The following NELL1 variants were observed in gnomAD, a reference collection of about 807,000 sequenced individuals.
NELL1 encodes the protein neural EGFL like 1, also known as protein kinase C-binding protein NELL1.
A neutral mutation model predicts 107.4 loss-of-function variants in NELL1; 76 were observed. The observed-to-expected ratio is 0.71, with a 90% CI of 0.59 to 0.86. The LOEUF is 0.86. NELL1 is among the 40% of genes least tolerant of loss of function. The pLI, the probability that NELL1 is intolerant of heterozygous loss-of-function variation, is 0.00. For synonymous variants in NELL1, 353 were observed against 341.2 expected, an observed-to-expected ratio of 1.03 and a Z score of -0.38; for missense variants, 1,024 against 1,005.5, an observed-to-expected ratio of 1.02 and a Z score of -0.25.
chr11:21,165,954 C>T (rs1856472300), intron 13 of NELL1, among the ~76,000 whole-genome samples: 1 of 151,288 alleles, frequency 6.6e-6, no homozygotes, highest in Non-Finnish European at 1.5e-5. Flanking sequence ...GGGGTTTCAC[C>T]ATATTGGTCA....
At chr11:21,225,652 T>G (rs1857875287) in intron 13 of NELL1, among the ~76,000 whole-genome samples, 1 of 152,148 alleles carries the variant, frequency 6.6e-6, no homozygotes, top group Non-Finnish European at 1.5e-5. Context: ...TTTAATCATC[T>G]TGATAACATC....
chr11:20,731,496 G>A (rs1245488268), intron 2 of NELL1, among the ~76,000 whole-genome samples: 1 of 152,222 alleles, frequency 6.6e-6, no homozygotes, highest in East Asian at 1.9e-4. Context: ...AATTGTGTGT[G>A]TGAGTGCATG....
intron 12 of NELL1, among the ~76,000 whole-genome samples, chr11:20,975,395 C>T (rs1215226503): frequency 6.6e-6 from 1 of 151,330 alleles, no homozygotes; most frequent in Non-Finnish European, 1.5e-5. Context: ...ACAGCTTGCC[C>T]CTCACTGAGA....
At chr11:21,406,798 A>T (rs1234223361) in intron 15 of NELL1, among the ~76,000 whole-genome samples, 2 of 152,020 alleles carry the variant, frequency 1.3e-5, no homozygotes, top group Non-Finnish European at 2.9e-5. Context: ...GGTATCCCTC[A>T]CCTCAAATAT....
chr11:20,878,283 C>T (rs564769937), intron 4 of NELL1, among the ~76,000 whole-genome samples: 26 of 137,030 alleles, frequency 1.9e-4, no homozygotes, highest in Non-Finnish European at 3.7e-4. Context: ...GGTGTGAACC[C>T]GTGAGGTGGA....
intron 13 of NELL1, among the ~76,000 whole-genome samples, chr11:21,214,549 CAGTT>C (rs1272618578): frequency 1.3e-5 from 2 of 152,038 alleles, no homozygotes; most frequent in African/African-American, 4.8e-5. Flanking sequence ...CATCAGGTGT[CAGTT>C]AGGGTATGGA....
At chr11:20,705,249 C>G (rs866467624) in intron 2 of NELL1, among the ~76,000 whole-genome samples, 4 of 152,170 alleles carry the variant, frequency 2.6e-5, no homozygotes, top group Admixed American at 6.5e-5. Flanking sequence ...ATCACGCTAC[C>G]TGACTTCAAA....
intron 2 of NELL1, among the ~76,000 whole-genome samples, chr11:20,682,653 T>C (rs1478822456): frequency 6.6e-6 from 1 of 152,066 alleles, no homozygotes; most frequent in Non-Finnish European, 1.5e-5. Flanking sequence ...TATACAAATA[T>C]ACCTGTGCAG....
chr11:21,509,950 A>G (rs907163273), intron 15 of NELL1, among the ~76,000 whole-genome samples: 6 of 152,220 alleles, frequency 3.9e-5, no homozygotes, highest in African/African-American at 1.4e-4. Context: ...TCCAACTATT[A>G]CCATTTATAT....
intron 12 of NELL1, among the ~76,000 whole-genome samples, chr11:21,026,106 T>A (rs1367737700): frequency 6.6e-6 from 1 of 152,182 alleles, no homozygotes; most frequent in Non-Finnish European, 1.5e-5. Flanking sequence ...AACTCTTCTC[T>A]CTGTTTCTGC....
At chr11:20,838,467 T>C (rs1178755490) in intron 3 of NELL1, among the ~76,000 whole-genome samples, 1 of 151,728 alleles carries the variant, frequency 6.6e-6, no homozygotes, top group African/African-American at 2.4e-5. Flanking sequence ...GTGTGGGCTA[T>C]GTGGAAACTC....
At chr11:21,511,222 C>T (rs1463815071) in intron 15 of NELL1, among the ~76,000 whole-genome samples, 1 of 152,174 alleles carries the variant, frequency 6.6e-6, no homozygotes, top group Admixed American at 6.6e-5. Context: ...TGTAATAATA[C>T]ATTTGTAATA....
intron 15 of NELL1, among the ~76,000 whole-genome samples, chr11:21,528,857 A>T (rs909735191): frequency 6.6e-6 from 1 of 151,926 alleles, no homozygotes; most frequent in Admixed American, 6.6e-5. Flanking sequence ...TTAGCAAAAA[A>T]CTTCTTCCAC....
chr11:21,475,542 CT>C (rs1854308679), intron 15 of NELL1, among the ~76,000 whole-genome samples: 1 of 152,162 alleles, frequency 6.6e-6, no homozygotes. Flanking sequence ...CAAAAAGGAG[CT>C]TTGAGTTTGA....
chr11:21,086,241 A>G (rs753396692), intron 12 of NELL1, among the ~76,000 whole-genome samples: 7 of 152,194 alleles, frequency 4.6e-5, no homozygotes, highest in Non-Finnish European at 8.8e-5. Flanking sequence ...CAAATGATTT[A>G]GAAAGAAAGG....
At chr11:21,148,358 G>A (rs1320740272) in intron 13 of NELL1, among the ~76,000 whole-genome samples, 4 of 152,180 alleles carry the variant, frequency 2.6e-5, no homozygotes, top group South Asian at 2.1e-4. Context: ...AGAGGTCGCC[G>A]GGGGGAGGGT....
At position 21,534,392 on chromosome 11, in the gene NELL1, A is replaced by C. The variant is rs201683742; in HGVS notation, c.1664A>C (p.Glu555Ala). 418 of 1,613,856 alleles carry C rather than the reference A, an allele frequency of 2.6e-4. No individual in the cohort carries two copies. Among genetic ancestry groups the C allele is most frequent in the Non-Finnish European group, 3.3e-4 (390 of 1,179,810 alleles). Residue 555 changes from glutamate to alanine, a missense_variant, in exon 16 of 20, where the codon GAG becomes GCG. Transcript: ENST00000357134. ...GAGGCAGATATTGATGAATGTTCAG[A>C]GGGAATCATTGAGTGCCACAACCAT... is the stretch of plus-strand genomic sequence containing the variant. The part of the protein sequence containing the change: ...HCEKDIDECS[E>A]GIIECHNHSR...
intron 3 of NELL1, among the ~76,000 whole-genome samples, chr11:20,836,052 C>T (rs1038099329): frequency 6.6e-6 from 1 of 151,924 alleles, no homozygotes; most frequent in Admixed American, 6.6e-5. Context: ...TTATATCCAA[C>T]ATATATAAGA....
At chr11:21,427,982 A>G (rs967958531) in intron 15 of NELL1, among the ~76,000 whole-genome samples, 1 of 152,236 alleles carries the variant, frequency 6.6e-6, no homozygotes, top group Admixed American at 6.5e-5. Context: ...TGATGAGTCT[A>G]ACTTGGTTTG....
Sources: allele counts gnomAD v4.1 joint callset (sites outside exome capture counted in the v4.1 genomes callset), GRCh38; gene constraint gnomAD v4.1.1; transcripts MANE v1.5; gene names NCBI Gene and HGNC (gene_info 2026-07-23, HGNC 2026-07-21).